The following THEMIS2 variants were observed in gnomAD, a reference collection of about 807,000 sequenced individuals.
THEMIS2 encodes the protein thymocyte selection associated family member 2.
Under a neutral mutation model 46.8 loss-of-function variants are expected in THEMIS2, and 29 were observed. The ratio of observed to expected loss-of-function variants is 0.62; its 90% CI spans 0.46 to 0.84. THEMIS2 has a LOEUF of 0.84. Among genes scored for constraint, THEMIS2 ranks in the 40% least tolerant of loss-of-function variants. THEMIS2 has a pLI of 0.00. For missense variants in THEMIS2, 698 were observed against 834.7 expected (o/e 0.84, Z 2.02); for synonymous variants, 335 against 349.1 (o/e 0.96, Z 0.45).
At chr1:27,873,428 T>C (rs991522697) in intron 1 of THEMIS2, among the ~76,000 whole-genome samples, 6 of 151,746 alleles carry the variant, frequency 4.0e-5, no homozygotes, top group African/African-American at 7.3e-5. Context: ...GTAGGGGAGA[T>C]GGAGGTGGAG....
chr1:27,873,990 A>G (rs2089533353), intron 1 of THEMIS2, among the ~76,000 whole-genome samples: 1 of 144,784 alleles, frequency 6.9e-6, no homozygotes, highest in South Asian at 2.2e-4. Flanking sequence ...GTGGTTGGTT[A>G]GGAGCACTGG....
intron 4 of THEMIS2, 51 bp downstream of exon 4, chr1:27,883,094 GCTT>G (rs1218798987): frequency 5.5e-6 from 8 of 1,461,340 alleles, no homozygotes; most frequent in Non-Finnish European, 7.5e-6. Flanking sequence ...TGGGATCACT[GCTT>G]CTTTGTCATG....
At position 27,879,668 on chromosome 1, in the gene THEMIS2, C is replaced by T. The variant is rs985951269; in HGVS notation, c.260C>T (p.Pro87Leu). The change falls in exon 3 of 6, where the codon CCA becomes CTA. Residue 87 changes from proline to leucine, a missense_variant. Transcript: ENST00000373921. ...FQGYFTPLNT[P>L]QSYETLEELV... Reference sequence around the variant, plus strand: ...GGCTACTTCACCCCCCTCAACACCCCACAGAGCTATGAAACCCTGGAGGAG... The same window carrying T: ...GGCTACTTCACCCCCCTCAACACCCTACAGAGCTATGAAACCCTGGAGGAG... 4.4e-6 allele frequency: 7 copies of T among 1,608,768 alleles called. No homozygotes were observed. In the African/African-American group the frequency reaches 8.0e-5, roughly 18 times the overall value.
At chr1:27,878,292 G>A (rs938482178) in intron 2 of THEMIS2, among the ~76,000 whole-genome samples, 1 of 151,266 alleles carries the variant, frequency 6.6e-6, no homozygotes, top group African/African-American at 2.4e-5. Context: ...GCTATGTGGT[G>A]TGCTGACACT....
rs985789810 is a variant in THEMIS2 at position 27,886,037 on chromosome 1, G to A, written c.*115G>A. 2.3e-5 allele frequency: 22 copies of A among 939,586 alleles called. No individual in the cohort carries two copies. Among genetic ancestry groups the A allele is most frequent in the Non-Finnish European group, 3.0e-5 (18 of 591,962 alleles). 58.2% of individuals were successfully genotyped at this position (939,586 alleles called of 1,614,324 possible). A position where few individuals can be genotyped will look rare whatever the true frequency, so the allele number is the denominator to read the frequency against. ...GTCTCACAGAAACTGAGCTGCAGAC[G>A]GGGAGTAGCTTTGTGGAAACTGATT... On this transcript the variant is annotated 3_prime_UTR_variant, in exon 6 of 6. Transcript: ENST00000373921.
chr1:27,882,274 CA>C lies in THEMIS2; in HGVS notation c.951del (p.Gly319AlafsTer20). ...GRKVPRHFLV[S>X]GGYQGKLRRR... ...AAGGTGCCCAGGCACTTCCTGGTGT[CA>C]GGGGGCTACCAAGGCAAGCTGCGGC... On this transcript the variant is annotated frameshift_variant, in exon 4 of 6. Transcript: ENST00000373921. LOFTEE classifies it high-confidence loss of function. This position sits in a 1 kb window ranked among gnomAD's most constrained non-coding sequence, Gnocchi z 7.6. 1 of 1,607,350 alleles carries C rather than the reference CA, an allele frequency of 6.2e-7. No homozygotes were observed.
In THEMIS2 at chr1:27,882,060, C is replaced by A; in HGVS notation, c.736C>A (p.Pro246Thr). The A allele has an allele frequency of 6.2e-7, 1 of 1,614,240 alleles. No homozygotes were observed. Among genetic ancestry groups the A allele is most frequent in the Non-Finnish European group, 8.5e-7 (1 of 1,180,050 alleles). Residue 246 changes from proline to threonine, a missense_variant, in exon 4 of 6, where the codon CCG becomes ACG. Coordinates refer to ENST00000373921, the MANE Select transcript of THEMIS2 (RefSeq NM_001105556.3). This position sits in a 1 kb window ranked among gnomAD's most constrained non-coding sequence, Gnocchi z 7.6. The part of the protein sequence containing the change: ...ASSRHVHFIK[P>T]LLLSEVLAWE... Reference sequence around the variant, plus strand: ...CTCCCGGCACGTCCACTTTATCAAACCGCTGCTGCTGAGCGAGGTCCTGGC... The same window carrying A: ...CTCCCGGCACGTCCACTTTATCAAAACGCTGCTGCTGAGCGAGGTCCTGGC...
intron 2 of THEMIS2, among the ~76,000 whole-genome samples, chr1:27,878,529 TA>T (rs2089626691): frequency 9.8e-4 from 1 of 1,018 alleles, no homozygotes; most frequent in African/African-American, 3.1e-3. Context: ...CGTCAAGTGT[TA>T]AACATTTGTT....
chr1:27,882,461 T>C lies in THEMIS2; in HGVS notation c.1137T>C (p.Pro379=). 6.2e-7 allele frequency: 1 copy of C among 1,612,772 alleles called. No individual in the cohort carries two copies. Among genetic ancestry groups the C allele is most frequent in the Non-Finnish European group, 8.5e-7 (1 of 1,179,008 alleles). The change falls in exon 4 of 6, where the codon CCT becomes CCC. Residue 379 remains proline (P), a synonymous_variant. Transcript: ENST00000373921. The surrounding 1 kb of genome is among the most constrained non-coding windows in gnomAD (Gnocchi z 7.6). The part of the protein sequence containing the change: ...AVGDRLEVLG[P]GQAHGAQGSD... ...GTGACCGGCTGGAGGTGCTGGGGCC[T>C]GGCCAGGCCCATGGGGCCCAGGGCA...
At position 27,880,182 on chromosome 1, in the gene THEMIS2, T is replaced by C; in HGVS notation, c.646+128T>C. 6.4e-6 allele frequency: 7 copies of C among 1,085,848 alleles called. No individual in the cohort carries two copies. The South Asian group carries it at 1.2e-4, about 18-fold the overall frequency. The allele number at this position is 1,085,848 out of a possible 1,614,324, so 67.3% of individuals were successfully genotyped here. A position where few individuals can be genotyped will look rare whatever the true frequency, so the allele number is the denominator to read the frequency against. On this transcript the variant is annotated intron_variant, in intron 3 of 5. Transcript: ENST00000373921. Reference sequence around the variant, plus strand: ...TCAGCTGGAACTTCAGGTTGCTCCCTCTGTATTACACTGAAGTTATTCTTT... The same window carrying C: ...TCAGCTGGAACTTCAGGTTGCTCCCCCTGTATTACACTGAAGTTATTCTTT...
At chr1:27,873,864 G>A (rs1264135716) in intron 1 of THEMIS2, among the ~76,000 whole-genome samples, 1 of 152,000 alleles carries the variant, frequency 6.6e-6, no homozygotes, top group Admixed American at 6.6e-5. Flanking sequence ...TCAGAGTGAT[G>A]GTGACTAGAG....
rs1377440117 is a variant in THEMIS2, at chr1:27,872,602, C to T, written c.31C>T (p.Arg11Cys). 12 of 1,488,260 alleles carry T rather than the reference C, an allele frequency of 8.1e-6. No individual in the cohort carries two copies. The highest frequency in any genetic ancestry group is 1.1e-5 in the Non-Finnish European group (12 of 1,120,682). 92.2% of individuals were successfully genotyped at this position (1,488,260 alleles called of 1,614,324 possible). Residue 11 changes from arginine (R) to cysteine (C), a missense_variant, in exon 1 of 6, where the codon CGC becomes TGC. Transcript: ENST00000373921. The surrounding 1 kb of genome is among the most constrained non-coding windows in gnomAD (Gnocchi z 4.9). ...GCCGGTGCCGCTGCAGGACTTCGTG[C>T]GCGCCTTGGACCCCGCCTCCCTCCC... MEPVPLQDFV[R>C]ALDPASLPRV...
rs568536681 is a variant in THEMIS2, at chr1:27,875,861, T to C, written c.95-727T>C. Reference sequence around the variant, plus strand: ...AACTACAGGTGCCCGCCACCATGCCTGGCTAATTTTTTTTGTATTTTTAGT... The same window carrying C: ...AACTACAGGTGCCCGCCACCATGCCCGGCTAATTTTTTTTGTATTTTTAGT... On this transcript the variant is annotated intron_variant, in intron 1 of 5. Coordinates refer to ENST00000373921, the MANE Select transcript of THEMIS2 (RefSeq NM_001105556.3). 1.4e-3 allele frequency among the ~76,000 whole-genome samples: 220 copies of C among 152,018 alleles called. 2 individuals carry two copies. Among genetic ancestry groups the C allele is most frequent in the African/African-American group, 4.9e-3 (204 of 41,472 alleles).
intron 1 of THEMIS2, among the ~76,000 whole-genome samples, chr1:27,873,224 C>G (rs908554809): frequency 5.3e-5 from 8 of 152,192 alleles, no homozygotes; most frequent in African/African-American, 1.7e-4. Context: ...TCCTTGCACG[C>G]CCCCGTACAT....
At chr1:27,876,796 G>T (rs574610665) in intron 2 of THEMIS2, 68 bp downstream of exon 2, 1 of 1,566,662 alleles carries the variant, frequency 6.4e-7, no homozygotes, top group East Asian at 2.3e-5. Flanking sequence ...GGCTGCTCGT[G>T]GGCTTGCCAC....
chr1:27,878,965 T>C (rs1290771382), intron 2 of THEMIS2, among the ~76,000 whole-genome samples: 1 of 152,202 alleles, frequency 6.6e-6, no homozygotes, highest in Non-Finnish European at 1.5e-5. Context: ...GGACCAGTAC[T>C]TATGTAGAAT....
Position 27,875,769 on chromosome 1 carries a change from C to T in THEMIS2, c.95-819C>T, listed in dbSNP as rs551757980. 9.9e-4 allele frequency among the ~76,000 whole-genome samples: 151 copies of T among 152,064 alleles called. 1 individual carries two copies. The highest frequency in any genetic ancestry group is 3.5e-3 in the African/African-American group (147 of 41,460). ...AGGCTGGAGTGAAGTGGCGTGATCT[C>T]GGCTCACTGCAAGCTCCGCCTCCCG... On this transcript the variant is annotated intron_variant, in intron 1 of 5. Transcript: ENST00000373921.
Position 27,882,322 on chromosome 1 carries a change from C to T in THEMIS2, c.998C>T (p.Thr333Met), listed in dbSNP as rs775104517. 3.6e-5 allele frequency: 58 copies of T among 1,589,860 alleles called. No individual in the cohort carries two copies. Among genetic ancestry groups the T allele is most frequent in the South Asian group, 1.1e-4 (10 of 88,058 alleles). ...CGGCGGCGGCCAAGGGAGTTCCCCA[C>T]GGCCTATGACCTCCTAGGTGCTTTC... Reference protein sequence around the residue: ...KLRRRPREFPTAYDLLGAFQP... With the variant: ...KLRRRPREFPMAYDLLGAFQP... The change falls in exon 4 of 6, where the codon ACG (threonine) becomes ATG (methionine). Residue 333 changes from threonine (T) to methionine (M), a missense_variant. Physicochemically the swap from Thr to Met is moderately conservative, Grantham distance 81. Transcript: ENST00000373921. The surrounding 1 kb of genome is among the most constrained non-coding windows in gnomAD (Gnocchi z 7.6).
chr1:27,885,144 C>A, intron 4 of THEMIS2, 151 bp from the exon 5 acceptor site: 2 of 756,054 alleles, frequency 2.6e-6, no homozygotes, highest in Non-Finnish European at 2.1e-6. Flanking sequence ...ATGCATGTAG[C>A]AAAAACACCA....
Sources: allele counts gnomAD v4.1 joint callset (sites outside exome capture counted in the v4.1 genomes callset), GRCh38; gene constraint gnomAD v4.1.1; non-coding constraint Gnocchi (gnomAD v3.1); transcripts MANE v1.5; gene names NCBI Gene and HGNC (gene_info 2026-07-23, HGNC 2026-07-21).